Variants in ELL2 observed in about 807,000 individuals in gnomAD.
ELL2 encodes the protein RNA polymerase II elongation factor ELL2.
A neutral mutation model predicts 72.8 loss-of-function variants in ELL2; 21 were observed. The ratio of observed to expected loss-of-function variants is 0.29; its 90% confidence interval spans 0.20 to 0.42. The LOEUF (loss-of-function observed/expected upper bound fraction) is 0.42, where lower values mean the gene tolerates loss of function less well. Among genes scored for constraint, ELL2 ranks in the 10% least tolerant of loss-of-function variants. The pLI, the probability that ELL2 is intolerant of heterozygous loss-of-function variation, is 1.00. For missense variants in ELL2, 568 were observed against 772.8 expected, an observed-to-expected ratio of 0.73 and a Z score of 3.14; for synonymous variants, 266 against 283.2, an observed-to-expected ratio of 0.94 and a Z score of 0.61.
Position 95,923,018 on chromosome 5 carries a change from G to A in ELL2, c.196-3473C>T, listed in dbSNP as rs148096152. ...TGCACAGGACATTCCCTCCAATTAC[G>A]CAGTACAAAATATCAGTAGGGCCAA... is the stretch of plus-strand genomic sequence containing the variant. On this transcript the variant is annotated intron_variant, in intron 2 of 11. Coordinates refer to ENST00000237853, the MANE Select transcript of ELL2 (RefSeq NM_012081.6). Among the ~76,000 whole-genome samples the A allele has an allele frequency of 7.2e-5, 11 of 152,194 alleles. No individual in the cohort carries two copies. The South Asian group carries it at 8.3e-4, about 11-fold the overall frequency.
chr5:95,912,218 G>C (rs2112299147), intron 4 of ELL2, among the ~76,000 whole-genome samples: 2 of 152,200 alleles, frequency 1.3e-5, no homozygotes, highest in Middle Eastern at 6.8e-3. Flanking sequence ...AAAAACACAT[G>C]AACACAGATG....
intron 2 of ELL2, among the ~76,000 whole-genome samples, chr5:95,922,474 C>T (rs771060974): frequency 1.3e-5 from 2 of 152,158 alleles, no homozygotes; most frequent in Non-Finnish European, 2.9e-5. Flanking sequence ...TTAGTGAAAA[C>T]TTTTAACTTC....
chr5:95,940,257 T>A (rs1258493806), intron 2 of ELL2, among the ~76,000 whole-genome samples: 2 of 152,222 alleles, frequency 1.3e-5, no homozygotes, highest in Admixed American at 1.3e-4. Flanking sequence ...ATAATAAAAA[T>A]CCAGGTAATC....
At chr5:95,919,684 A>G in intron 2 of ELL2, 139 bp from the exon 3 acceptor site, 1 of 957,510 alleles carries the variant, frequency 1.0e-6, no homozygotes, top group Non-Finnish European at 1.5e-6. Flanking sequence ...CGCAGCATTT[A>G]AATGACCAAA....
In ELL2 at chr5:95,951,852, A is replaced by G. The variant is rs370931095; in HGVS notation, c.148-8803T>C. Among the ~76,000 whole-genome samples, 10 of 152,320 alleles carry G rather than the reference A, an allele frequency of 6.6e-5. No individual in the cohort carries two copies. The East Asian group carries it at 1.7e-3, about 26-fold the overall frequency. Reference sequence around the variant, plus strand: ...AGTAATGGGTGGGGTTAGATTCAGGATATTTTGAAGGTGACAGTACTTGCT... The same window carrying G: ...AGTAATGGGTGGGGTTAGATTCAGGGTATTTTGAAGGTGACAGTACTTGCT... On this transcript the variant is annotated intron_variant, in intron 1 of 11. Transcript: ENST00000237853.
intron 2 of ELL2, among the ~76,000 whole-genome samples, chr5:95,921,309 G>T (rs1410963712): frequency 6.6e-6 from 1 of 152,148 alleles, no homozygotes; most frequent in Non-Finnish European, 1.5e-5. Flanking sequence ...TTTCACCAAA[G>T]ATACTATAGA....
chr5:95,954,596 C>CTTTTTTTTTTTTTTTTTTTTTT (rs1169301940), intron 1 of ELL2, among the ~76,000 whole-genome samples: 4 of 105,870 alleles, frequency 3.8e-5, no homozygotes, highest in Non-Finnish European at 5.4e-5. Flanking sequence ...TTTTTTTTTT[C>CTTTTTTTTTTTTTTTTTTTTTT]TTTTTTTTTT....
chr5:95,949,449 A>G (rs562569628), intron 1 of ELL2, among the ~76,000 whole-genome samples: 11 of 152,126 alleles, frequency 7.2e-5, no homozygotes, highest in Non-Finnish European at 1.6e-4. Context: ...GAAAATAACA[A>G]TATTTCTAAA....
intron 5 of ELL2, 99 bp downstream of exon 5, chr5:95,906,424 T>C (rs983345121): frequency 1.5e-6 from 2 of 1,305,664 alleles, no homozygotes; most frequent in East Asian, 2.4e-5. Context: ...CTAAAATTTC[T>C]CTATCTCAAT....
Position 95,906,637 on chromosome 5 carries a change from C to A in ELL2, c.627G>T (p.Arg209Ser). ...STISQRPYRD[R>S]VIHLLALKAY... Reference sequence around the variant, plus strand: ...CCTTCAGGGCCAGTAAGTGAATCACCCTGTCCCTGTATGGCCTCTGAGAGA... The same window carrying A: ...CCTTCAGGGCCAGTAAGTGAATCACACTGTCCCTGTATGGCCTCTGAGAGA... The change falls in exon 5 of 12, where the codon AGG (arginine) becomes AGT (serine). Residue 209 changes from arginine to serine, a missense_variant. This residue lies in a region of ELL2 where 511 missense variants were observed against 728.4 expected (regional missense o/e 0.70). Transcript: ENST00000237853. The A allele has an allele frequency of 6.2e-7, 1 of 1,614,092 alleles. No individual in the cohort carries two copies. The highest frequency in any genetic ancestry group is 1.1e-5 in the South Asian group (1 of 91,088).
intron 5 of ELL2, among the ~76,000 whole-genome samples, chr5:95,901,338 C>T (rs1170864808): frequency 1.6e-4 from 24 of 151,980 alleles, no homozygotes; most frequent in Non-Finnish European, 4.4e-5. Flanking sequence ...ATAATAAGCC[C>T]ATATTAGGAA....
intron 2 of ELL2, among the ~76,000 whole-genome samples, chr5:95,927,430 C>G (rs1340539164): frequency 2.0e-5 from 1 of 50,724 alleles, no homozygotes; most frequent in Non-Finnish European, 3.4e-5. Context: ...GACATACACA[C>G]ACACGTGTGT....
chr5:95,961,708 C>G lies in ELL2; in HGVS notation c.14G>C (p.Gly5Ala). 6.2e-7 allele frequency: 1 copy of G among 1,605,484 alleles called. No homozygotes were observed. The highest frequency in any genetic ancestry group is 8.5e-7 in the Non-Finnish European group (1 of 1,177,160). The change falls in exon 1 of 12, where the codon GGG becomes GCG. Residue 5 changes from glycine (G) to alanine (A), a missense_variant. Transcript: ENST00000237853. MAAG[G>A]TGGLREEQRY... ...CTGCTCCTCCCGCAGGCCCCCTGTC[C>G]CCCCCGCCGCCATCTTAAACTCCCC...
At chr5:95,909,991 C>T (rs1749521165) in intron 4 of ELL2, among the ~76,000 whole-genome samples, 1 of 152,136 alleles carries the variant, frequency 6.6e-6, no homozygotes, top group Non-Finnish European at 1.5e-5. Flanking sequence ...AGGCTCATGA[C>T]AATGACATGA....
Position 95,906,637 on chromosome 5 carries a change from C to T in ELL2, c.627G>A (p.Arg209=), listed in dbSNP as rs1319002925. 1.9e-6 allele frequency: 3 copies of T among 1,614,092 alleles called. No homozygotes were observed. The highest frequency in any genetic ancestry group is 1.7e-5 in the Admixed American group (1 of 60,008). The change falls in exon 5 of 12, where the codon AGG becomes AGA. Residue 209 remains arginine, a synonymous_variant. Coordinates refer to ENST00000237853, the MANE Select transcript of ELL2 (RefSeq NM_012081.6). ...CCTTCAGGGCCAGTAAGTGAATCAC[C>T]CTGTCCCTGTATGGCCTCTGAGAGA... is the stretch of plus-strand genomic sequence containing the variant. ...STISQRPYRD[R]VIHLLALKAY...
At chr5:95,960,292 G>A (rs966360807) in intron 1 of ELL2, among the ~76,000 whole-genome samples, 1 of 151,502 alleles carries the variant, frequency 6.6e-6, no homozygotes, top group African/African-American at 2.4e-5. Flanking sequence ...AACGTTACAG[G>A]TTCCCCCATA....
chr5:95,900,495 G>A, intron 7 of ELL2, 198 bp downstream of exon 7: 3 of 431,658 alleles, frequency 6.9e-6, no homozygotes, highest in Non-Finnish European at 1.2e-5. Flanking sequence ...CTGACAAGCA[G>A]TGCTGTGTAG....
At chr5:95,942,882 C>A in intron 2 of ELL2, 120 bp downstream of exon 2, 1 of 583,070 alleles carries the variant, frequency 1.7e-6, no homozygotes. Flanking sequence ...TTCATTTAGT[C>A]ACAAAGCTCA....
intron 1 of ELL2, 76 bp from the exon 2 acceptor site, chr5:95,943,125 A>G: frequency 2.3e-6 from 3 of 1,313,838 alleles, no homozygotes; most frequent in South Asian, 1.4e-5. Context: ...TAAACTTTAA[A>G]TCTATGTTAT....
Sources: allele counts gnomAD v4.1 joint callset (sites outside exome capture counted in the v4.1 genomes callset), GRCh38; gene constraint gnomAD v4.1.1; regional missense constraint gnomAD v4.1.1; transcripts MANE v1.5; gene names NCBI Gene and HGNC (gene_info 2026-07-23, HGNC 2026-07-21).